RANBP9: variants seen among roughly 807,000 people sequenced by gnomAD.
The protein encoded by RANBP9 is ran-binding protein 9.
Under a neutral mutation model 84.3 loss-of-function variants are expected in RANBP9, and 15 were observed. The observed-to-expected ratio is 0.18, with a 90% CI of 0.12 to 0.27. The LOEUF is 0.27. RANBP9 is among the 10% of genes least tolerant of loss of function. The pLI is 1.00. For synonymous variants in RANBP9, 392 were observed against 349.6 expected, an observed-to-expected ratio of 1.12 and a Z score of -1.35; for missense variants, 809 against 912.8, an observed-to-expected ratio of 0.89 and a Z score of 1.46.
chr6:13,657,126 T>C lies in RANBP9; in HGVS notation c.887A>G (p.Lys296Arg), dbSNP rs1765417997. The change falls in exon 4 of 14, where the codon AAG becomes AGG. Residue 296 changes from lysine to arginine, a missense_variant. Lys to Arg is a conservative substitution (Grantham distance 26). Transcript: ENST00000011619. ...NLINNTCFYT[K>R]NGHSLGIAFT... ...CTCAGTACCTAAACTATGTCCATTC[T>C]TGGTGTAAAAGCAGGTATTGTTGAT... 6.2e-7 allele frequency: 1 copy of C among 1,611,036 alleles called. No homozygotes were observed. The highest frequency in any genetic ancestry group is 1.3e-5 in the African/African-American group (1 of 75,006).
intron 7 of RANBP9, 98 bp downstream of exon 7, chr6:13,642,381 G>C (rs1012412101): frequency 4.0e-6 from 2 of 501,460 alleles, no homozygotes; most frequent in Non-Finnish European, 6.3e-6. Flanking sequence ...TAATATATTT[G>C]AAATTTTTTT....
In RANBP9 at chr6:13,711,747, G is replaced by A. The variant is rs1450109490; in HGVS notation, c.-242C>T. On this transcript the variant is annotated 5_prime_UTR_variant, in exon 1 of 14. Transcript: ENST00000011619. ...CCGGAGCGCGGGCGCGCGGCCCGGG[G>A]ACGAGGCGCCGAGGGCGGGGGCGAC... Among the ~76,000 whole-genome samples, 1 of 147,878 alleles carries A rather than the reference G, an allele frequency of 6.8e-6. No homozygotes were observed. The highest frequency in any genetic ancestry group is 1.5e-5 in the Non-Finnish European group (1 of 66,504).
intron 2 of RANBP9, among the ~76,000 whole-genome samples, chr6:13,689,956 C>T (rs1392183704): frequency 6.6e-6 from 1 of 152,148 alleles, no homozygotes; most frequent in Non-Finnish European, 1.5e-5. Context: ...TGTATGTAGT[C>T]CTCTGTTGGA....
intron 2 of RANBP9, among the ~76,000 whole-genome samples, chr6:13,685,965 A>G (rs1428208148): frequency 1.3e-5 from 2 of 151,956 alleles, no homozygotes; most frequent in South Asian, 2.1e-4. Context: ...AGCTTAAAAT[A>G]TAAGTGTATA....
chr6:13,627,328 A>T (rs1764635078), intron 12 of RANBP9, among the ~76,000 whole-genome samples: 1 of 152,086 alleles, frequency 6.6e-6, no homozygotes, highest in South Asian at 2.1e-4. Context: ...AACTCAAATC[A>T]AACACATTAT....
At chr6:13,628,946 T>C (rs1388486068) in intron 12 of RANBP9, among the ~76,000 whole-genome samples, 1 of 151,214 alleles carries the variant, frequency 6.6e-6, no homozygotes, top group Non-Finnish European at 1.5e-5. Flanking sequence ...GTTCATATTC[T>C]TTGACTCAAT....
In RANBP9 at chr6:13,711,197, G is replaced by C; in HGVS notation, c.309C>G (p.Pro103=). The change falls in exon 1 of 14, where the codon CCC becomes CCG. Residue 103 remains proline, a synonymous_variant. Transcript: ENST00000011619. ...ASAAAPASGP[P]APPGLAAGPG... ...GGCCCGCTGCAAGGCCCGGGGGAGCGGGCGGCCCGCTGGCGGGGGCAGCCG... is the reference window on the plus strand; with the variant it reads ...GGCCCGCTGCAAGGCCCGGGGGAGCCGGCGGCCCGCTGGCGGGGGCAGCCG... The C allele has an allele frequency of 8.1e-7, 1 of 1,232,876 alleles. No homozygotes were observed. The highest frequency in any genetic ancestry group is 1.0e-6 in the Non-Finnish European group (1 of 987,682). 76.4% of individuals were successfully genotyped at this position (1,232,876 alleles called of 1,614,324 possible). A position where few individuals can be genotyped will look rare whatever the true frequency, so the allele number is the denominator to read the frequency against.
chr6:13,648,141 G>GTTTTTTTTTTTTTTTT (rs375219477), intron 5 of RANBP9, among the ~76,000 whole-genome samples: 2 of 80,646 alleles, frequency 2.5e-5, no homozygotes, highest in Non-Finnish European at 4.7e-5. Flanking sequence ...TATATGACTG[G>GTTTTTTTTTTTTTTTT]TTTTTTTTTT....
rs869051500 is a variant in RANBP9 at position 13,686,100 on chromosome 6, TCCCCCCCCC to T, written c.683+10676_683+10684del. ...TCTTTCCTGAATTTCCAAAATTTCT[TCCCCCCCCC>T]CCCCCCGCCCCCCGAAATAGAGTCT... On this transcript the variant is annotated intron_variant, in intron 2 of 13. Transcript: ENST00000011619. Among the ~76,000 whole-genome samples the T allele has an allele frequency of 2.0e-3, 14 of 6,994 alleles. 2 individuals carry two copies. Among genetic ancestry groups the T allele is most frequent in the Admixed American group, 5.3e-3 (3 of 566 alleles). 4.6% of individuals were successfully genotyped at this position (6,994 alleles called of 152,430 possible). A position where few individuals can be genotyped will look rare whatever the true frequency, so the allele number is the denominator to read the frequency against.
Position 13,634,479 on chromosome 6 carries a change from C to T in RANBP9, c.1747G>A (p.Gly583Ser). 6.2e-7 allele frequency: 1 copy of T among 1,613,638 alleles called. No homozygotes were observed. The highest frequency in any genetic ancestry group is 8.5e-7 in the Non-Finnish European group (1 of 1,179,686). ...GETSSNGFLNGSSKHDHEMED... is the reference protein window; with the variant it reads ...GETSSNGFLNSSSKHDHEMED... ...ATTTCGTGGTCATGTTTAGAGCTAC[C>T]ATTTAGGAAACCATTGGATGAAGTT... Residue 583 changes from glycine (G) to serine (S), a missense_variant, in exon 11 of 14, where the codon GGT becomes AGT. Gly to Ser is a moderately conservative substitution (Grantham distance 56). Transcript: ENST00000011619.
chr6:13,662,108 G>C (rs1765549114), intron 2 of RANBP9, among the ~76,000 whole-genome samples: 1 of 152,044 alleles, frequency 6.6e-6, no homozygotes, highest in African/African-American at 2.4e-5. Flanking sequence ...GAAAATAGAA[G>C]AAAAGCATGG....
chr6:13,691,101 G>A (rs182904064), intron 2 of RANBP9, among the ~76,000 whole-genome samples: 1 of 150,620 alleles, frequency 6.6e-6, no homozygotes, highest in Non-Finnish European at 1.5e-5. Context: ...CCAGGAGACA[G>A]AGGTTGCAGT....
intron 2 of RANBP9, among the ~76,000 whole-genome samples, chr6:13,692,761 C>G (rs1766356775): frequency 6.6e-6 from 1 of 151,092 alleles, no homozygotes; most frequent in Admixed American, 6.6e-5. Flanking sequence ...CTGAGACAGG[C>G]AGAATTGCTT....
chr6:13,657,423 CTACA>C (rs1584926895), intron 3 of RANBP9, 147 bp from the exon 4 acceptor site: 1 of 554,166 alleles, frequency 1.8e-6, no homozygotes, highest in Non-Finnish European at 2.8e-6. Context: ...AACAATTACA[CTACA>C]TAATTTATTC....
intron 2 of RANBP9, among the ~76,000 whole-genome samples, chr6:13,695,401 G>GTTTC (rs1554227168): frequency 2.4e-5 from 2 of 84,802 alleles, no homozygotes; most frequent in African/African-American, 9.6e-5. Flanking sequence ...CCAACCAAAT[G>GTTTC]TTTTTTTTTT....
chr6:13,679,113 C>G (rs1765968231), intron 2 of RANBP9, among the ~76,000 whole-genome samples: 1 of 152,110 alleles, frequency 6.6e-6, no homozygotes, highest in Non-Finnish European at 1.5e-5. Flanking sequence ...AGCTACTTAT[C>G]TCTCTCTACA....
intron 2 of RANBP9, among the ~76,000 whole-genome samples, chr6:13,677,936 G>C (rs1400629596): frequency 6.6e-6 from 1 of 152,006 alleles, no homozygotes; most frequent in Non-Finnish European, 1.5e-5. Flanking sequence ...TGGGCAACAA[G>C]GCAAAACCCC....
intron 1 of RANBP9, among the ~76,000 whole-genome samples, chr6:13,703,718 A>C (rs1407004287): frequency 6.6e-6 from 1 of 152,228 alleles, no homozygotes; most frequent in Non-Finnish European, 1.5e-5. Flanking sequence ...GAAATAAAAC[A>C]ACCAGAAACT....
chr6:13,666,563 TC>T (rs1421443411), intron 2 of RANBP9, among the ~76,000 whole-genome samples: 7 of 122,398 alleles, frequency 5.7e-5, no homozygotes, highest in African/African-American at 1.9e-4. Context: ...AGCGCTTGAG[TC>T]CAGGAGTTCA....
Sources: allele counts gnomAD v4.1 joint callset (sites outside exome capture counted in the v4.1 genomes callset), GRCh38; gene constraint gnomAD v4.1.1; transcripts MANE v1.5; gene names NCBI Gene and HGNC (gene_info 2026-07-23, HGNC 2026-07-21).